The following PRR12 variants were observed in gnomAD, a reference collection of about 807,000 sequenced individuals.
PRR12 encodes the protein proline rich 12.
In PRR12, 12 loss-of-function variants were observed where a neutral mutation model predicts 138.0. The observed-to-expected ratio is 0.09, with a 90% CI of 0.06 to 0.14. PRR12 has a LOEUF of 0.14. PRR12 is among the 10% of genes least tolerant of loss of function. PRR12 has a pLI of 1.00. For synonymous variants in PRR12, 1,567 were observed against 1,291.7 expected, an observed-to-expected ratio of 1.21 and a Z score of -4.57; for missense variants, 2,692 against 2,861.3, an observed-to-expected ratio of 0.94 and a Z score of 1.35.
chr19:49,621,385 C>G (rs1261082941), intron 10 of PRR12, 140 bp from the exon 11 acceptor site: 2 of 674,420 alleles, frequency 3.0e-6, no homozygotes, highest in East Asian at 5.5e-5. Flanking sequence ...ACTCCTGGGT[C>G]CGAAGGAGGA....
intron 5 of PRR12, among the ~76,000 whole-genome samples, chr19:49,600,209 G>C (rs577051778): frequency 6.6e-6 from 1 of 152,112 alleles, no homozygotes; most frequent in Non-Finnish European, 1.5e-5. Flanking sequence ...AAGTTACAGG[G>C]ACAGGACAGG....
chr19:49,596,930 C>A lies in PRR12; in HGVS notation c.2595C>A (p.Ser865Arg). The change falls in exon 4 of 14, where the codon AGC (serine) becomes AGA (arginine). Residue 865 changes from serine to arginine, a missense_variant. Ser to Arg is a moderately radical substitution (Grantham distance 110). Around this residue, in one of 11 missense-constraint regions of PRR12, gnomAD observed 840 missense variants for 689.8 expected, o/e 1.22. Transcript: ENST00000418929. This position sits in a 1 kb window ranked among gnomAD's most constrained non-coding sequence, Gnocchi z 5.6. ...RSHGLEPAAP[S>R]PRLRPEESLD... ...ATGGCCTGGAGCCCGCGGCCCCCAG[C>A]CCCCGCCTGCGACCCGAGGAGAGCC... The A allele has an allele frequency of 6.5e-7, 1 of 1,548,836 alleles. No homozygotes were observed. The highest frequency in any genetic ancestry group is 2.4e-5 in the East Asian group (1 of 41,434).
In PRR12 at chr19:49,609,784, C is replaced by T. The variant is rs561887842; in HGVS notation, c.4774-4749C>T. ...TGAGGCTGGGCTGGTGGGCTGGGCC[C>T]AGCCATGTTGGACTTGGGTGCAGGG... is the stretch of plus-strand genomic sequence containing the variant. On this transcript the variant is annotated intron_variant, in intron 6 of 13. Transcript: ENST00000418929. Among the ~76,000 whole-genome samples the T allele has an allele frequency of 5.9e-5, 9 of 152,120 alleles. No homozygotes were observed. The South Asian group carries it at 1.9e-3, about 32-fold the overall frequency.
In PRR12 at chr19:49,597,673, A is replaced by G; in HGVS notation, c.3338A>G (p.Asp1113Gly). ...ADEDKADVPADIRLNPRRLPD... is the reference protein window; with the variant it reads ...ADEDKADVPAGIRLNPRRLPD... The stretch of plus-strand genomic sequence containing the variant: ...GAGGACAAGGCCGATGTTCCCGCCG[A>G]CATCCGCCTCAACCCCCGGCGCTTG... The change falls in exon 4 of 14, where the codon GAC becomes GGC. Residue 1113 changes from aspartate (D) to glycine (G), a missense_variant. Physicochemically the swap from Asp to Gly is moderately conservative, Grantham distance 94. This residue lies in a region of PRR12 where 6 missense variants were observed against 19.6 expected (regional missense o/e 0.31). Transcript: ENST00000418929. This position sits in a 1 kb window ranked among gnomAD's most constrained non-coding sequence, Gnocchi z 6.3. 1.2e-6 allele frequency: 2 copies of G among 1,606,102 alleles called. No individual in the cohort carries two copies. Among genetic ancestry groups the G allele is most frequent in the Non-Finnish European group, 1.7e-6 (2 of 1,177,462 alleles).
chr19:49,600,903 T>G (rs1402108997), intron 5 of PRR12, among the ~76,000 whole-genome samples: 1 of 152,058 alleles, frequency 6.6e-6, no homozygotes, highest in Admixed American at 6.6e-5. Context: ...TTTTGTATTT[T>G]TAGTAGAGAC....
At chr19:49,593,460 C>T (rs758611463) in intron 2 of PRR12, 21 bp downstream of exon 2, 36 of 1,279,698 alleles carry the variant, frequency 2.8e-5, no homozygotes, top group African/African-American at 5.9e-5. Flanking sequence ...CATCCCGCCC[C>T]GCTTTGGGCT....
At chr19:49,606,825 T>C (rs941140064) in intron 6 of PRR12, among the ~76,000 whole-genome samples, 1 of 151,902 alleles carries the variant, frequency 6.6e-6, no homozygotes, top group Non-Finnish European at 1.5e-5. Flanking sequence ...TTTTGTATTT[T>C]TAGTAGAGAT....
chr19:49,618,274 C>T (rs897106580), intron 9 of PRR12, among the ~76,000 whole-genome samples: 3 of 152,076 alleles, frequency 2.0e-5, no homozygotes, highest in Non-Finnish European at 4.4e-5. Context: ...TCCCCAACAC[C>T]CCCAAATCCC....
At chr19:49,618,900 T>C (rs1414539232) in intron 9 of PRR12, among the ~76,000 whole-genome samples, 3 of 151,892 alleles carry the variant, frequency 2.0e-5, no homozygotes, top group Non-Finnish European at 4.4e-5. Flanking sequence ...TTAGGAGGGA[T>C]CTTTCTACGC....
At chr19:49,604,678 C>CA (rs1346173048) in intron 6 of PRR12, among the ~76,000 whole-genome samples, 5 of 151,710 alleles carry the variant, frequency 3.3e-5, no homozygotes, top group African/African-American at 1.2e-4. Flanking sequence ...AACTCTGTCT[C>CA]AAAAAAATAA....
intron 9 of PRR12, among the ~76,000 whole-genome samples, chr19:49,618,438 TG>T (rs1260947191): frequency 6.6e-6 from 1 of 151,948 alleles, no homozygotes; most frequent in Non-Finnish European, 1.5e-5. Context: ...CAGGTTGAAG[TG>T]CAAAGTGGTG....
intron 11 of PRR12, among the ~76,000 whole-genome samples, chr19:49,622,787 G>A (rs1475586500): frequency 6.7e-6 from 1 of 150,218 alleles, no homozygotes; most frequent in Non-Finnish European, 1.5e-5. Flanking sequence ...AGCTACTCAG[G>A]AGGCTGAGGC....
rs759562403 is a variant in PRR12 at position 49,615,922 on chromosome 19, C to T, written c.5200C>T (p.Leu1734Phe). 6.4e-7 allele frequency: 1 copy of T among 1,558,282 alleles called. No individual in the cohort carries two copies. The highest frequency in any genetic ancestry group is 1.2e-5 in the South Asian group (1 of 84,690). ...PEPPAPEKPS[L>F]LRPVEKEKEK... ...GCCCCCTGCCCCCGAGAAGCCCTCC[C>T]TCCTGCGGCCTGTTGAGAAGGAAAA... The change falls in exon 9 of 14, where the codon CTC (leucine) becomes TTC (phenylalanine). Residue 1734 changes from leucine to phenylalanine, a missense_variant. This residue lies in a region of PRR12 where 259 missense variants were observed against 265.1 expected (regional missense o/e 0.98). Transcript: ENST00000418929.
chr19:49,599,568 G>A lies in PRR12; in HGVS notation c.3975G>A (p.Gln1325=). The A allele has an allele frequency of 1.9e-6, 3 of 1,594,804 alleles. No individual in the cohort carries two copies. The highest frequency in any genetic ancestry group is 2.6e-6 in the Non-Finnish European group (3 of 1,170,852). The change falls in exon 5 of 14, where the codon CAG becomes CAA. Residue 1325 remains glutamine, a synonymous_variant. Coordinates refer to ENST00000418929, the MANE Select transcript of PRR12 (RefSeq NM_020719.3). The surrounding 1 kb of genome is among the most constrained non-coding windows in gnomAD (Gnocchi z 5.0). ...PSVPARGLQP[Q]PPATPAVPHP... The stretch of plus-strand genomic sequence containing the variant: ...TGCCAGCCCGAGGCCTGCAGCCCCA[G>A]CCCCCTGCCACCCCTGCTGTGCCAC...
At chr19:49,624,774 A>T in intron 11 of PRR12, 70 bp from the exon 12 acceptor site, 1 of 1,566,404 alleles carries the variant, frequency 6.4e-7, no homozygotes, top group Non-Finnish European at 8.6e-7. Flanking sequence ...CACAGATCTG[A>T]GACCTGGCTG....
intron 6 of PRR12, among the ~76,000 whole-genome samples, chr19:49,603,824 T>G (rs117693225): frequency 0.02 from 3,014 of 152,068 alleles, 146 homozygotes; most frequent in East Asian, 0.13. Flanking sequence ...TTACACTTTT[T>G]TCTTTTCTTT....
At chr19:49,617,492 T>C (rs116636895) in intron 9 of PRR12, among the ~76,000 whole-genome samples, 3,006 of 151,922 alleles carry the variant, frequency 0.02, 103 homozygotes, top group African/African-American at 0.068. Flanking sequence ...TTAGCTGGGC[T>C]TGGTGGTGAA....
intron 11 of PRR12, 78 bp from the exon 12 acceptor site, chr19:49,624,766 C>G: frequency 6.4e-7 from 1 of 1,551,042 alleles, no homozygotes. Flanking sequence ...AACTGAGGCA[C>G]AGATCTGAGA....
rs2122301079 is a variant in PRR12 at position 49,597,371 on chromosome 19, C to G, written c.3036C>G (p.Pro1012=). Residue 1012 remains proline, a synonymous_variant, in exon 4 of 14, where the codon CCC becomes CCG. Transcript: ENST00000418929. The surrounding 1 kb of genome is among the most constrained non-coding windows in gnomAD (Gnocchi z 6.3). ...AGACACCGGGCCTGGGCCTGGACCC[C>G]AACAAACCGCCTGAACTGCCCTCCA... ...GPETPGLGLD[P]NKPPELPSTV... 1 of 1,538,292 alleles carries G rather than the reference C, an allele frequency of 6.5e-7. No individual in the cohort carries two copies. Among genetic ancestry groups the G allele is most frequent in the Non-Finnish European group, 8.7e-7 (1 of 1,146,686 alleles).
Sources: allele counts gnomAD v4.1 joint callset (sites outside exome capture counted in the v4.1 genomes callset), GRCh38; gene constraint gnomAD v4.1.1; regional missense constraint gnomAD v4.1.1; non-coding constraint Gnocchi (gnomAD v3.1); transcripts MANE v1.5; gene names NCBI Gene and HGNC (gene_info 2026-07-23, HGNC 2026-07-21).